MMP27: variants seen among roughly 807,000 people sequenced by gnomAD.
MMP27 encodes matrix metallopeptidase 27.
A neutral mutation model predicts 48.1 loss-of-function variants in MMP27; 51 were observed. The ratio of observed to expected loss-of-function variants is 1.06; its 90% CI spans 0.85 to 1.34. The LOEUF is 1.34. Ranked by LOEUF, MMP27 falls within the 40% of genes most tolerant of loss-of-function variation. The pLI is 0.00. For synonymous variants in MMP27, 229 were observed against 208.9 expected, an observed-to-expected ratio of 1.10 and a Z score of -0.83; for missense variants, 698 against 619.3, an observed-to-expected ratio of 1.13 and a Z score of -1.35.
At chr11:102,692,445 T>A (rs960568048) in intron 9 of MMP27, among the ~76,000 whole-genome samples, 1 of 152,214 alleles carries the variant, frequency 6.6e-6, no homozygotes, top group Non-Finnish European at 1.5e-5. Context: ...CTCAAAGATA[T>A]TTCTAGATTA....
intron 4 of MMP27, among the ~76,000 whole-genome samples, chr11:102,697,310 A>T (rs1193676365): frequency 1.3e-5 from 2 of 152,230 alleles, no homozygotes; most frequent in African/African-American, 4.8e-5. Flanking sequence ...GCTATGTAGG[A>T]CACTTACCAT....
chr11:102,704,730 G>C lies in MMP27; in HGVS notation c.148C>G (p.Leu50Val), dbSNP rs376905393. 1.7e-5 allele frequency: 27 copies of C among 1,613,156 alleles called. No individual in the cohort carries two copies. The highest frequency in any genetic ancestry group is 8.9e-5 in the East Asian group (4 of 44,842). The change falls in exon 2 of 10, where the codon CTT (leucine) becomes GTT (valine). Residue 50 changes from leucine to valine, a missense_variant. Transcript: ENST00000260229. The stretch of plus-strand genomic sequence containing the variant: ...AGACTCCTATTCTTGCTTTGAACAA[G>C]ATGATTCCCTTCTATTTCAAGAGAG... ...FYSLEIEGNH[L>V]VQSKNRSLID...
intron 4 of MMP27, 125 bp downstream of exon 4, chr11:102,702,628 T>C (rs1442585058): frequency 1.8e-6 from 2 of 1,128,936 alleles, no homozygotes; most frequent in South Asian, 1.6e-5. Context: ...AAGGTCATCT[T>C]GGAATATGGA....
At chr11:102,693,793 T>TA (rs1591655991) in intron 8 of MMP27, 113 bp downstream of exon 8, 1 of 960,614 alleles carries the variant, frequency 1.0e-6, no homozygotes. Context: ...TCAAAAAAAA[T>TA]AAAAAAATAA....
chr11:102,696,967 C>G, intron 4 of MMP27, 132 bp from the exon 5 acceptor site: 2 of 896,638 alleles, frequency 2.2e-6, no homozygotes, highest in Non-Finnish European at 3.3e-6. Context: ...ATATGTACCA[C>G]CATTTATCTG....
intron 4 of MMP27, among the ~76,000 whole-genome samples, chr11:102,698,894 G>A (rs1860884030): frequency 6.6e-6 from 1 of 152,186 alleles, no homozygotes; most frequent in Non-Finnish European, 1.5e-5. Context: ...AGCTTCCACA[G>A]ACTCAGCACT....
chr11:102,705,659 G>T lies in MMP27; in HGVS notation c.56C>A (p.Pro19His). 1 of 1,605,126 alleles carries T rather than the reference G, an allele frequency of 6.2e-7. No individual in the cohort carries two copies. The highest frequency in any genetic ancestry group is 2.3e-5 in the East Asian group (1 of 44,224). The part of the protein sequence containing the change: ...LFFITFSSAF[P>H]LVRMTENEEN... ...TTCATTTTCCGTCATCCGGACTAAG[G>T]GAAATGCAGAAGAAAATGTTATAAA... Residue 19 changes from proline (P) to histidine (H), a missense_variant, in exon 1 of 10, where the codon CCC becomes CAC. Coordinates refer to ENST00000260229, the MANE Select transcript of MMP27 (RefSeq NM_022122.3).
chr11:102,699,319 T>C (rs1272225140), intron 4 of MMP27, among the ~76,000 whole-genome samples: 1 of 151,566 alleles, frequency 6.6e-6, no homozygotes, highest in Non-Finnish European at 1.5e-5. Flanking sequence ...AAAAAAAAAA[T>C]TAGCCAGGCA....
Position 102,691,985 on chromosome 11 carries a change from T to G in MMP27, c.1323A>C (p.Ser441=). 5.6e-6 allele frequency: 9 copies of G among 1,608,064 alleles called. No homozygotes were observed. Among genetic ancestry groups the G allele is most frequent in the Non-Finnish European group, 7.6e-6 (9 of 1,176,698 alleles). Residue 441 remains serine, a synonymous_variant, in exon 10 of 10, where the codon TCA becomes TCC. Transcript: ENST00000260229. ...TCTTAATGTCGTATTCAAATTGCTTTGATCCACGGCTGAAAAAGAAGAATC... is the reference window on the plus strand; with the variant it reads ...TCTTAATGTCGTATTCAAATTGCTTGGATCCACGGCTGAAAAAGAAGAATC... ...YKGFFFFSRG[S]KQFEYDIKTK... is the part of the protein sequence containing the mutation.
In MMP27 at chr11:102,699,292, C is replaced by A. The variant is rs187022318; in HGVS notation, c.620-2457G>T. Among the ~76,000 whole-genome samples the A allele has an allele frequency of 3.3e-3, 494 of 151,876 alleles. 10 individuals are homozygous for A. Among genetic ancestry groups the A allele is most frequent in the African/African-American group, 0.012 (479 of 41,416 alleles). Reference sequence around the variant, plus strand: ...GAGCAGCCTGGGTAACATGGAGAAACCCTGTCTCTACTAAAGAAAAAAAAA... The same window carrying A: ...GAGCAGCCTGGGTAACATGGAGAAAACCTGTCTCTACTAAAGAAAAAAAAA... On this transcript the variant is annotated intron_variant, in intron 4 of 9. Coordinates refer to ENST00000260229, the MANE Select transcript of MMP27 (RefSeq NM_022122.3).
intron 6 of MMP27, among the ~76,000 whole-genome samples, chr11:102,695,544 C>A (rs183841551): frequency 6.6e-6 from 1 of 152,092 alleles, no homozygotes. Flanking sequence ...ATGAATGAGA[C>A]GTGAAAAGTC....
At position 102,702,864 on chromosome 11, in the gene MMP27, G is replaced by A. The variant is rs768045323; in HGVS notation, c.508C>T (p.Arg170Cys). 8 of 1,613,828 alleles carry A rather than the reference G, an allele frequency of 5.0e-6. No individual in the cohort carries two copies. Among genetic ancestry groups the A allele is most frequent in the African/African-American group, 1.3e-5 (1 of 74,978 alleles). ...ACTCCCAAGGGACCATCAAAATAGC[G>A]AGGACACCGACCATGGACTGAGATA... ...FRTRVHGRCPRYFDGPLGVLG... is the reference protein window; with the variant it reads ...FRTRVHGRCPCYFDGPLGVLG... The change falls in exon 4 of 10, where the codon CGC becomes TGC. Residue 170 changes from arginine (R) to cysteine (C), a missense_variant. Transcript: ENST00000260229.
intron 4 of MMP27, among the ~76,000 whole-genome samples, chr11:102,701,136 G>A (rs1274439013): frequency 6.6e-6 from 1 of 152,128 alleles, no homozygotes; most frequent in African/African-American, 2.4e-5. Flanking sequence ...GGATCACAGA[G>A]GGCCCACAAT....
In MMP27 at chr11:102,696,363, G is replaced by T. The variant is rs1281250161; in HGVS notation, c.902+8C>A. On this transcript the variant is annotated splice_region_variant and intron_variant, in intron 6 of 9. Transcript: ENST00000260229. ...AGGAAGTTGAGGTGTTTAGAGAAAT[G>T]AGTTTACCTGCCTTTAAAGAACATT... 1.2e-6 allele frequency: 2 copies of T among 1,613,132 alleles called. No homozygotes were observed. The highest frequency in any genetic ancestry group is 1.3e-5 in the African/African-American group (1 of 74,988).
At chr11:102,694,867 C>T (rs1048122635) in intron 7 of MMP27, 100 bp downstream of exon 7, 65 of 1,377,088 alleles carry the variant, frequency 4.7e-5, no homozygotes, top group Non-Finnish European at 6.3e-5. Flanking sequence ...AAGCCCTGCG[C>T]CTTGGCTCAT....
chr11:102,705,719 C>T lies in MMP27; in HGVS notation c.-5G>A. ...CAGAAGCAGAAGGCGCTTCATTCCTCTCTTTCTTCAGCTGAAGCCGGTTCT... is the reference window on the plus strand; with the variant it reads ...CAGAAGCAGAAGGCGCTTCATTCCTTTCTTTCTTCAGCTGAAGCCGGTTCT... On this transcript the variant is annotated 5_prime_UTR_variant, in exon 1 of 10. Coordinates refer to ENST00000260229, the MANE Select transcript of MMP27 (RefSeq NM_022122.3). 6.3e-7 allele frequency: 1 copy of T among 1,598,070 alleles called. No individual in the cohort carries two copies. Among genetic ancestry groups the T allele is most frequent in the African/African-American group, 1.3e-5 (1 of 74,116 alleles).
chr11:102,695,494 T>G (rs1414097540), intron 6 of MMP27, among the ~76,000 whole-genome samples: 2 of 152,218 alleles, frequency 1.3e-5, no homozygotes, highest in African/African-American at 4.8e-5. Context: ...GCGAAAATAC[T>G]TCTTCAGAAT....
chr11:102,705,546 G>T, intron 1 of MMP27, 67 bp downstream of exon 1: 1 of 1,054,810 alleles, frequency 9.5e-7, no homozygotes, highest in Non-Finnish European at 1.4e-6. Flanking sequence ...TTCTTTTTAG[G>T]TCCCAAGAGA....
chr11:102,700,192 G>A (rs973033312), intron 4 of MMP27, among the ~76,000 whole-genome samples: 3 of 152,174 alleles, frequency 2.0e-5, no homozygotes, highest in Admixed American at 6.5e-5. Context: ...AATGATCATT[G>A]AGTGACTTTA....
Sources: allele counts gnomAD v4.1 joint callset (sites outside exome capture counted in the v4.1 genomes callset), GRCh38; gene constraint gnomAD v4.1.1; transcripts MANE v1.5; gene names NCBI Gene and HGNC (gene_info 2026-07-23, HGNC 2026-07-21).